Variants in GRIA1 observed in about 807,000 individuals in gnomAD.
GRIA1 encodes the protein glutamate receptor 1.
GRIA1 carries 31 observed loss-of-function variants against 99.2 expected under a neutral mutation model. That is an observed-to-expected ratio of 0.31 (90% confidence interval 0.23 to 0.42). GRIA1 has a LOEUF of 0.42. Among genes scored for constraint, GRIA1 ranks in the 10% least tolerant of loss-of-function variants. The pLI, the probability that GRIA1 is intolerant of heterozygous loss-of-function variation, is 1.00. For synonymous variants in GRIA1, 438 were observed against 432.4 expected, an observed-to-expected ratio of 1.01 and a Z score of -0.16; for missense variants, 782 against 1,157.5, an observed-to-expected ratio of 0.68 and a Z score of 4.71.
intron 11 of GRIA1, among the ~76,000 whole-genome samples, chr5:153,745,405 T>C (rs939798648): frequency 5.9e-5 from 9 of 151,502 alleles, no homozygotes; most frequent in Admixed American, 5.9e-4. Context: ...CTGGCCAGTG[T>C]GGTGAAACCC....
intron 2 of GRIA1, among the ~76,000 whole-genome samples, chr5:153,500,226 A>G (rs1188794540): frequency 6.6e-6 from 1 of 152,210 alleles, no homozygotes; most frequent in Non-Finnish European, 1.5e-5. Context: ...CACTCAGGAT[A>G]AAGTGATCAT....
In GRIA1 at chr5:153,705,899, T is replaced by C; in HGVS notation, c.1655T>C (p.Val552Ala). ...CIVFAYIGVS[V>A]VLFLVSRFSP... ...GTTTTTGCCTACATTGGAGTGAGTG[T>C]TGTCCTCTTCCTGGTCAGCCGCTTC... The change falls in exon 11 of 16, where the codon GTT becomes GCT. Residue 552 changes from valine (V) to alanine (A), a missense_variant. Around this residue, in one of 5 missense-constraint regions of GRIA1, gnomAD observed 87 missense variants for 184.5 expected, o/e 0.47. Transcript: ENST00000285900. The C allele has an allele frequency of 6.2e-7, 1 of 1,614,072 alleles. No individual in the cohort carries two copies. Among genetic ancestry groups the C allele is most frequent in the Non-Finnish European group, 8.5e-7 (1 of 1,180,004 alleles).
At chr5:153,641,799 G>A (rs140300878) in intron 2 of GRIA1, among the ~76,000 whole-genome samples, 1 of 152,210 alleles carries the variant, frequency 6.6e-6, no homozygotes, top group Non-Finnish European at 1.5e-5. Context: ...CCCAAAGGAT[G>A]GGGTTAGGTG....
chr5:153,544,368 C>T (rs1448486987), intron 2 of GRIA1, among the ~76,000 whole-genome samples: 3 of 152,148 alleles, frequency 2.0e-5, no homozygotes, highest in Non-Finnish European at 4.4e-5. Flanking sequence ...TTCAACCATC[C>T]ATGAGCATGA....
In GRIA1 at chr5:153,588,349, C is replaced by A. The variant is rs182602679; in HGVS notation, c.221-58579C>A. Among the ~76,000 whole-genome samples the A allele has an allele frequency of 3.3e-5, 5 of 152,296 alleles. No individual in the cohort carries two copies. In the East Asian group the frequency reaches 9.7e-4, roughly 29 times the overall value. ...ATGTGTATGCACGCACTTCCCCCAA[C>A]CCCCATGCCTCCATTACTCCTCTAC... On this transcript the variant is annotated intron_variant, in intron 2 of 15. Transcript: ENST00000285900.
chr5:153,603,905 C>T (rs1765223792), intron 2 of GRIA1, among the ~76,000 whole-genome samples: 1 of 152,136 alleles, frequency 6.6e-6, no homozygotes, highest in Admixed American at 6.5e-5. Flanking sequence ...GATTTTAGTA[C>T]AGGATTGGAT....
intron 2 of GRIA1, among the ~76,000 whole-genome samples, chr5:153,608,530 T>A (rs1493385): frequency 0.23 from 35,066 of 152,166 alleles, 4,465 homozygotes; most frequent in Non-Finnish European, 0.3. Context: ...CTGCCATTGT[T>A]CCTGTCTATT....
At chr5:153,705,669 T>TTTTTC in intron 10 of GRIA1, 28 bp from the exon 11 acceptor site, 1 of 1,143,616 alleles carries the variant, frequency 8.7e-7, no homozygotes, top group Non-Finnish European at 1.1e-6. Flanking sequence ...TGCATTTTTT[T>TTTTTC]TTTTTTTTTT....
At chr5:153,570,090 G>A (rs1444206010) in intron 2 of GRIA1, among the ~76,000 whole-genome samples, 3 of 152,058 alleles carry the variant, frequency 2.0e-5, no homozygotes, top group Non-Finnish European at 4.4e-5. Context: ...GTCAGCAATG[G>A]CCCATCAGAT....
At chr5:153,742,648 C>T (rs578155804) in intron 11 of GRIA1, among the ~76,000 whole-genome samples, 1 of 152,306 alleles carries the variant, frequency 6.6e-6, no homozygotes, top group South Asian at 2.1e-4. Flanking sequence ...CAGCTAAGGG[C>T]TCTTTCCTGC....
At chr5:153,774,613 C>T (rs1764102942) in intron 13 of GRIA1, among the ~76,000 whole-genome samples, 1 of 152,210 alleles carries the variant, frequency 6.6e-6, no homozygotes, top group African/African-American at 2.4e-5. Flanking sequence ...TGGCTGTCCT[C>T]CTCCACTACT....
intron 5 of GRIA1, among the ~76,000 whole-genome samples, chr5:153,667,972 C>T (rs1171190680): frequency 6.6e-6 from 1 of 152,224 alleles, no homozygotes; most frequent in African/African-American, 2.4e-5. Flanking sequence ...AGCGCATTTA[C>T]TCCCCATCAT....
intron 2 of GRIA1, among the ~76,000 whole-genome samples, chr5:153,518,298 C>CT (rs1279012809): frequency 6.6e-6 from 1 of 151,908 alleles, no homozygotes; most frequent in Non-Finnish European, 1.5e-5. Flanking sequence ...TATCTGATGT[C>CT]TTTTTTTACC....
rs184685263 is a variant in GRIA1 at position 153,581,254 on chromosome 5, C to T, written c.221-65674C>T. Among the ~76,000 whole-genome samples, 573 of 152,304 alleles carry T rather than the reference C, an allele frequency of 3.8e-3. 3 individuals carry two copies. The highest frequency in any genetic ancestry group is 7.1e-3 in the Admixed American group (109 of 15,298). The stretch of plus-strand genomic sequence containing the variant: ...ATCAAATGAACCTTAAACATTTACT[C>T]CTCTCTTAAAATGTAAATCAGATCA... On this transcript the variant is annotated intron_variant, in intron 2 of 15. Coordinates refer to ENST00000285900, the MANE Select transcript of GRIA1 (RefSeq NM_000827.4).
At chr5:153,504,362 ACTAT>A (rs1469833167) in intron 2 of GRIA1, among the ~76,000 whole-genome samples, 1 of 151,696 alleles carries the variant, frequency 6.6e-6, no homozygotes, top group Non-Finnish European at 1.5e-5. Context: ...ATATATATAC[ACTAT>A]CTATATATAG....
intron 2 of GRIA1, among the ~76,000 whole-genome samples, chr5:153,602,514 ATAACT>A (rs922395915): frequency 6.6e-6 from 1 of 150,654 alleles, no homozygotes; most frequent in Non-Finnish European, 1.5e-5. Flanking sequence ...CATGTACCCT[ATAACT>A]TAAAGTATAA....
At chr5:153,569,518 T>C (rs1472831324) in intron 2 of GRIA1, among the ~76,000 whole-genome samples, 1 of 152,246 alleles carries the variant, frequency 6.6e-6, no homozygotes, top group East Asian at 1.9e-4. Context: ...TGAGCAGCTG[T>C]ATGGGGCAAA....
intron 13 of GRIA1, among the ~76,000 whole-genome samples, chr5:153,786,345 C>T (rs1288264070): frequency 1.3e-5 from 2 of 152,010 alleles, no homozygotes; most frequent in African/African-American, 4.8e-5. Flanking sequence ...TTTCACAGAA[C>T]ACTCCCTAAA....
intron 3 of GRIA1, among the ~76,000 whole-genome samples, chr5:153,649,240 C>T (rs996676413): frequency 6.6e-6 from 1 of 152,156 alleles, no homozygotes; most frequent in African/African-American, 2.4e-5. Context: ...ATGCATCTTA[C>T]CTCAAGAACT....
Sources: gnomAD v4.1 joint callset for allele counts (sites outside exome capture counted in the v4.1 genomes callset) on GRCh38, gnomAD v4.1.1 for gene constraint, gnomAD v4.1.1 regional missense constraint, MANE v1.5 for transcripts, NCBI Gene and HGNC (gene_info 2026-07-23, HGNC 2026-07-21) for gene names.